Variants in TET2 observed in about 807,000 individuals in gnomAD.
TET2 encodes tet methylcytosine dioxygenase 2, also known as methylcytosine dioxygenase TET2.
TET2 carries 299 observed loss-of-function variants against 142.9 expected under a neutral mutation model. The observed-to-expected ratio is 2.09, with a 90% CI of 1.90 to 2.30. TET2 has a LOEUF of 2.30. TET2 is among the 30% of genes most tolerant of loss of function. The pLI is 0.00. For missense variants in TET2, 2,418 were observed against 2,378.0 expected (o/e 1.02, Z -0.35); for synonymous variants, 819 against 849.0 (o/e 0.96, Z 0.61).
chr4:105,273,021 C>T (rs1731041118), intron 10 of TET2, 103 bp downstream of exon 10: 2 of 866,954 alleles, frequency 2.3e-6, no homozygotes, highest in Admixed American at 2.9e-5. Context: ...TTCTGGGGTA[C>T]ACATGCAGGA....
chr4:105,278,890 C>A lies in TET2; in HGVS notation c.*2371C>A, dbSNP rs1731337221. 1 of 232,870 alleles carries A rather than the reference C, an allele frequency of 4.3e-6. No homozygotes were observed. The highest frequency in any genetic ancestry group is 2.2e-5 in the African/African-American group (1 of 45,332). The allele number at this position is 232,870 out of a possible 1,614,324, so 14.4% of individuals were successfully genotyped here. A position where few individuals can be genotyped will look rare whatever the true frequency, so the allele number is the denominator to read the frequency against. ...GAAGGTACATACTCCATGTGGACTT[C>A]CCTTAAACAGGCAAACACCTACAGG... On this transcript the variant is annotated 3_prime_UTR_variant, in exon 11 of 11. Transcript: ENST00000380013.
chr4:105,153,445 A>G (rs2110352215), intron 1 of TET2, among the ~76,000 whole-genome samples: 1 of 152,366 alleles, frequency 6.6e-6, no homozygotes, highest in South Asian at 2.1e-4. Context: ...GTTATGCCAT[A>G]TTAAAATGTG....
intron 6 of TET2, among the ~76,000 whole-genome samples, chr4:105,252,838 A>G (rs1487047070): frequency 6.6e-6 from 1 of 152,154 alleles, no homozygotes; most frequent in Admixed American, 6.5e-5. Flanking sequence ...GTATAGATTC[A>G]CTTGTTTGCA....
In TET2 at chr4:105,242,687, C is replaced by T. The variant is rs915107916; in HGVS notation, c.3501-147C>T. ...AAAAACCATTATCCAGTTTGCTTGG[C>T]GTAGACCTGTTTAAAAAATAATAAA... On this transcript the variant is annotated intron_variant, in intron 4 of 10. Coordinates refer to ENST00000380013, the MANE Select transcript of TET2 (RefSeq NM_001127208.3). 5.4e-5 allele frequency: 77 copies of T among 1,437,482 alleles called. No homozygotes were observed. The Middle Eastern group carries it at 5.8e-4, about 11-fold the overall frequency. 89.0% of individuals were successfully genotyped at this position (1,437,482 alleles called of 1,614,324 possible).
chr4:105,275,449 G>A lies in TET2; in HGVS notation c.4939G>A (p.Gly1647Ser). ...LSVDNCSPYL[G>S]SYSPQSQPMD... ...AGTGGACAACTGCTCCCCATATCTG[G>A]GTTCCTATTCTCCCCAGTCTCAGCC... Residue 1647 changes from glycine (G) to serine (S), a missense_variant, in exon 11 of 11, where the codon GGT becomes AGT. Coordinates refer to ENST00000380013, the MANE Select transcript of TET2 (RefSeq NM_001127208.3). 6.4e-7 allele frequency: 1 copy of A among 1,551,548 alleles called. No individual in the cohort carries two copies. The highest frequency in any genetic ancestry group is 8.7e-7 in the Non-Finnish European group (1 of 1,146,964).
Position 105,234,388 on chromosome 4 carries a change from A to G in TET2, c.446A>G (p.Glu149Gly). 1 of 1,614,090 alleles carries G rather than the reference A, an allele frequency of 6.2e-7. No homozygotes were observed. Among genetic ancestry groups the G allele is most frequent in the Non-Finnish European group, 8.5e-7 (1 of 1,180,018 alleles). The part of the protein sequence containing the change: ...PNVSDLSDKK[E>G]SVSSVAQENA... ...GTCTCCGATTTGAGTGATAAGAAAG[A>G]ATCTGTGAGTTCTGTAGCCCAAGAA... Residue 149 changes from glutamate to glycine, a missense_variant, in exon 3 of 11, where the codon GAA becomes GGA. Coordinates refer to ENST00000380013, the MANE Select transcript of TET2 (RefSeq NM_001127208.3).
chr4:105,162,049 C>T (rs903745836), intron 1 of TET2, among the ~76,000 whole-genome samples: 4 of 152,272 alleles, frequency 2.6e-5, no homozygotes, highest in Non-Finnish European at 4.4e-5. Flanking sequence ...ATACTGATAT[C>T]TTGCATTTTC....
chr4:105,277,755 A>G lies in TET2; in HGVS notation c.*1236A>G. 4.4e-6 allele frequency: 1 copy of G among 228,124 alleles called. No homozygotes were observed. Among genetic ancestry groups the G allele is most frequent in the Non-Finnish European group, 8.7e-6 (1 of 114,886 alleles). 14.1% of individuals were successfully genotyped at this position (228,124 alleles called of 1,614,324 possible). ...CATTGCTCAAAAATGTACAGTTTTA[A>G]GAATTTTCTATTAACTGCAGGTAAT... On this transcript the variant is annotated 3_prime_UTR_variant, in exon 11 of 11. Transcript: ENST00000380013.
Position 105,237,272 on chromosome 4 carries a change from AT to A in TET2, c.3332del (p.Leu1111TyrfsTer2). On this transcript the variant is annotated frameshift_variant, in exon 3 of 11. Transcript: ENST00000380013. LOFTEE classifies it high-confidence loss of function. ...ATAATTTTATAGAGTCACCTTCCAA[AT>A]TACTAGATACTCCTATAAAAAATTT... ...LNNFIESPSK[L>X]LDTPIKNLLD... 1 of 1,614,104 alleles carries A rather than the reference AT, an allele frequency of 6.2e-7. No individual in the cohort carries two copies. The highest frequency in any genetic ancestry group is 8.5e-7 in the Non-Finnish European group (1 of 1,179,976).
At chr4:105,219,107 G>C (rs903948856) in intron 2 of TET2, among the ~76,000 whole-genome samples, 3 of 151,974 alleles carry the variant, frequency 2.0e-5, no homozygotes, top group Non-Finnish European at 2.9e-5. Flanking sequence ...AATGTTGGCA[G>C]CTTTTCATTA....
intron 2 of TET2, among the ~76,000 whole-genome samples, chr4:105,196,638 C>T (rs548610987): frequency 6.6e-6 from 1 of 152,184 alleles, no homozygotes; most frequent in Admixed American, 6.5e-5. Flanking sequence ...TGTTCCTCTC[C>T]TGATGAACTT....
At chr4:105,158,095 A>T (rs1287927550) in intron 1 of TET2, among the ~76,000 whole-genome samples, 1 of 152,248 alleles carries the variant, frequency 6.6e-6, no homozygotes, top group Non-Finnish European at 1.5e-5. Context: ...ATATATTGTA[A>T]TTTTAAAACA....
intron 2 of TET2, among the ~76,000 whole-genome samples, chr4:105,192,403 G>T (rs1178390376): frequency 6.6e-6 from 1 of 152,022 alleles, no homozygotes; most frequent in African/African-American, 2.4e-5. Context: ...ACATTTATTA[G>T]GAATGTGTTC....
At chr4:105,158,313 T>G (rs956421227) in intron 1 of TET2, among the ~76,000 whole-genome samples, 1 of 152,152 alleles carries the variant, frequency 6.6e-6, no homozygotes. Context: ...AAACTATATT[T>G]AGGGGTTAAA....
Position 105,261,879 on chromosome 4 carries a change from T to C in TET2, c.4044+31T>C, listed in dbSNP as rs754709106. 3.0e-6 allele frequency: 4 copies of C among 1,323,638 alleles called. No homozygotes were observed. The South Asian group carries it at 5.3e-5, about 18-fold the overall frequency. 82.0% of individuals were successfully genotyped at this position (1,323,638 alleles called of 1,614,324 possible). A position where few individuals can be genotyped will look rare whatever the true frequency, so the allele number is the denominator to read the frequency against. On this transcript the variant is annotated intron_variant, in intron 8 of 10. Transcript: ENST00000380013. Reference sequence around the variant, plus strand: ...TTTAAATAATCATTGGCAGCAATTGTAACAACTTACTTGTTACTAATGACC... The same window carrying C: ...TTTAAATAATCATTGGCAGCAATTGCAACAACTTACTTGTTACTAATGACC...
rs1052883752 is a variant in TET2 at position 105,242,942 on chromosome 4, A to G, written c.3594+15A>G. On this transcript the variant is annotated intron_variant, in intron 5 of 10. Coordinates refer to ENST00000380013, the MANE Select transcript of TET2 (RefSeq NM_001127208.3). The stretch of plus-strand genomic sequence containing the variant: ...TTGCTAAGTGGGTAAGTGTGACTTG[A>G]TAAAGCCTTTGGTCTTAAATCTTGG... The G allele has an allele frequency of 1.3e-6, 2 of 1,543,772 alleles. No homozygotes were observed. Among genetic ancestry groups the G allele is most frequent in the Non-Finnish European group, 1.8e-6 (2 of 1,140,038 alleles).
At chr4:105,215,843 C>CT (rs1727459633) in intron 2 of TET2, among the ~76,000 whole-genome samples, 1 of 152,088 alleles carries the variant, frequency 6.6e-6, no homozygotes, top group Non-Finnish European at 1.5e-5. Context: ...AAACCATAAC[C>CT]TTTTTTAGCA....
At chr4:105,218,252 G>C (rs1398066792) in intron 2 of TET2, among the ~76,000 whole-genome samples, 1 of 152,098 alleles carries the variant, frequency 6.6e-6, no homozygotes, top group East Asian at 1.9e-4. Flanking sequence ...TGTTCCTAGT[G>C]ATGTGATCAT....
intron 3 of TET2, chr4:105,237,689 G>A: frequency 7.8e-7 from 1 of 1,283,948 alleles, no homozygotes; most frequent in South Asian, 1.8e-5. Context: ...CAGCTAGGCA[G>A]CAAAAAAACA....
Sources: gnomAD v4.1 joint callset for allele counts (sites outside exome capture counted in the v4.1 genomes callset) on GRCh38, gnomAD v4.1.1 for gene constraint, MANE v1.5 for transcripts, NCBI Gene and HGNC (gene_info 2026-07-23, HGNC 2026-07-21) for gene names.